Variants in CACNA2D3 observed in about 807,000 individuals in gnomAD.
CACNA2D3 encodes calcium voltage-gated channel auxiliary subunit alpha2delta 3, also known as voltage-dependent calcium channel subunit alpha-2/delta-3.
In CACNA2D3, 60 loss-of-function variants were observed where a neutral mutation model predicts 160.6. The ratio of observed to expected loss-of-function variants is 0.37; its 90% CI spans 0.30 to 0.46. CACNA2D3 has a LOEUF of 0.46. CACNA2D3 is among the 20% of genes least tolerant of loss of function. The pLI is 1.00. For synonymous variants in CACNA2D3, 558 were observed against 492.9 expected (o/e 1.13, Z -1.75); for missense variants, 1,205 against 1,365.0 (o/e 0.88, Z 1.85).
At chr3:54,594,386 C>G (rs974236202) in intron 9 of CACNA2D3, among the ~76,000 whole-genome samples, 2 of 152,128 alleles carry the variant, frequency 1.3e-5, no homozygotes, top group African/African-American at 4.8e-5. Flanking sequence ...TTTCCAATCC[C>G]TGGTCTAGAC....
At chr3:54,602,816 T>C (rs73066424) in intron 9 of CACNA2D3, among the ~76,000 whole-genome samples, 9,468 of 152,198 alleles carry the variant, frequency 0.062, 331 homozygotes, top group African/African-American at 0.091. Context: ...CAGCATTCAA[T>C]TTGTTTCCAC....
intron 5 of CACNA2D3, among the ~76,000 whole-genome samples, chr3:54,523,073 A>G (rs1701671854): frequency 6.6e-6 from 1 of 151,810 alleles, no homozygotes; most frequent in African/African-American, 2.4e-5. Flanking sequence ...GATGGCCTTT[A>G]TTGTTTCTAG....
intron 27 of CACNA2D3, chr3:54,925,312 G>A: frequency 9.7e-7 from 1 of 1,025,660 alleles, no homozygotes; most frequent in Non-Finnish European, 1.4e-6. Context: ...GTGCTTTCCA[G>A]CCAGGTGAAA....
At chr3:54,183,205 A>C (rs1237602277) in intron 2 of CACNA2D3, among the ~76,000 whole-genome samples, 2 of 118,736 alleles carry the variant, frequency 1.7e-5, no homozygotes, top group Admixed American at 9.8e-5. Context: ...TTGAGGCATA[A>C]AGAAAATTTT....
intron 17 of CACNA2D3, among the ~76,000 whole-genome samples, chr3:54,859,792 C>T (rs79097680): frequency 0.012 from 1,825 of 152,152 alleles, 39 homozygotes; most frequent in African/African-American, 0.042. Flanking sequence ...CCTGGAAGGG[C>T]AAGGGCCTCT....
chr3:54,699,687 G>A (rs949452503), intron 11 of CACNA2D3, among the ~76,000 whole-genome samples: 4 of 152,128 alleles, frequency 2.6e-5, no homozygotes, highest in African/African-American at 9.7e-5. Context: ...CCAGCTTGCT[G>A]TGTTCCTTTG....
chr3:54,517,884 C>G (rs893878855), intron 5 of CACNA2D3, among the ~76,000 whole-genome samples: 1 of 152,122 alleles, frequency 6.6e-6, no homozygotes, highest in Non-Finnish European at 1.5e-5. Context: ...GACCAGGACC[C>G]CACTGGGCTG....
rs562172782 is a variant in CACNA2D3 at position 54,700,514 on chromosome 3, A to G, written c.1168-52085A>G. Among the ~76,000 whole-genome samples the G allele has an allele frequency of 9.8e-5, 15 of 152,320 alleles. No homozygotes were observed. The South Asian group carries it at 3.1e-3, about 32-fold the overall frequency. On this transcript the variant is annotated intron_variant, in intron 11 of 37. Transcript: ENST00000474759. ...ACAACCATGTCAGCACAAATATATA[A>G]TATTTTCATCATTGAATAAAGTTCT...
intron 27 of CACNA2D3, among the ~76,000 whole-genome samples, chr3:54,904,699 A>G (rs1191880244): frequency 6.6e-6 from 1 of 152,186 alleles, no homozygotes; most frequent in Non-Finnish European, 1.5e-5. Flanking sequence ...CATACGGTCC[A>G]TATGGGAGCG....
chr3:54,490,949 A>G (rs968818255), intron 4 of CACNA2D3, among the ~76,000 whole-genome samples: 1 of 152,194 alleles, frequency 6.6e-6, no homozygotes, highest in Non-Finnish European at 1.5e-5. Flanking sequence ...GGAGCTGGGC[A>G]TACAACTGTG....
intron 5 of CACNA2D3, among the ~76,000 whole-genome samples, chr3:54,546,643 C>CT (rs1445734195): frequency 6.6e-6 from 1 of 151,980 alleles, no homozygotes; most frequent in African/African-American, 2.4e-5. Context: ...TTGCTATAAT[C>CT]TTTTTTGGTT....
At chr3:54,128,984 G>A (rs1330068601) in intron 2 of CACNA2D3, among the ~76,000 whole-genome samples, 1 of 152,164 alleles carries the variant, frequency 6.6e-6, no homozygotes, top group East Asian at 1.9e-4. Flanking sequence ...CTAATGTCAG[G>A]CTTCTGGTAA....
chr3:55,040,827 G>A (rs1291756119), intron 35 of CACNA2D3, among the ~76,000 whole-genome samples: 2 of 152,158 alleles, frequency 1.3e-5, no homozygotes, highest in African/African-American at 4.8e-5. Context: ...TGCACATGGT[G>A]TCAATGCCAC....
chr3:54,461,808 C>A (rs7430412), intron 4 of CACNA2D3, among the ~76,000 whole-genome samples: 2,972 of 151,920 alleles, frequency 0.02, 73 homozygotes, highest in East Asian at 0.1. Flanking sequence ...TTATTTCTTG[C>A]CTTCTGCTAG....
intron 27 of CACNA2D3, among the ~76,000 whole-genome samples, chr3:54,958,935 C>T (rs560604751): frequency 2.6e-5 from 4 of 152,088 alleles, no homozygotes; most frequent in African/African-American, 9.6e-5. Flanking sequence ...AAAACCCTGT[C>T]TCTACAAAAA....
intron 35 of CACNA2D3, among the ~76,000 whole-genome samples, chr3:55,033,861 T>TTTTATA (rs1352638920): frequency 5.2e-5 from 6 of 114,302 alleles, no homozygotes; most frequent in African/African-American, 1.6e-4. Context: ...TTAAATATAT[T>TTTTATA]TAATATATAA....
At chr3:54,332,454 T>A (rs1704287189) in intron 3 of CACNA2D3, among the ~76,000 whole-genome samples, 1 of 152,226 alleles carries the variant, frequency 6.6e-6, no homozygotes, top group African/African-American at 2.4e-5. Flanking sequence ...TACTGAGATA[T>A]AATTCACATA....
At chr3:54,843,979 T>C (rs182401152) in intron 16 of CACNA2D3, among the ~76,000 whole-genome samples, 50 of 152,204 alleles carry the variant, frequency 3.3e-4, no homozygotes, top group African/African-American at 1.0e-3. Context: ...CCCTGTTGGA[T>C]ACTTGGTTTG....
intron 9 of CACNA2D3, among the ~76,000 whole-genome samples, chr3:54,613,035 G>A (rs1319279885): frequency 2.6e-5 from 4 of 152,166 alleles, no homozygotes; most frequent in African/African-American, 9.7e-5. Context: ...ATTCACAGGT[G>A]GATACAAACA....
Sources: allele counts gnomAD v4.1 joint callset (sites outside exome capture counted in the v4.1 genomes callset), GRCh38; gene constraint gnomAD v4.1.1; transcripts MANE v1.5; gene names NCBI Gene and HGNC (gene_info 2026-07-23, HGNC 2026-07-21).